ATP13A5: variants seen among roughly 807,000 people sequenced by gnomAD.
The protein encoded by ATP13A5 is probable cation-transporting ATPase 13A5.
A neutral mutation model predicts 150.2 loss-of-function variants in ATP13A5; 149 were observed. The ratio of observed to expected loss-of-function variants is 0.99; its 90% CI spans 0.87 to 1.14. The LOEUF is 1.14. ATP13A5 is among the 50% of genes most tolerant of loss of function. The pLI is 0.00. For missense variants in ATP13A5, 1,383 were observed against 1,449.3 expected (o/e 0.95, Z 0.74); for synonymous variants, 497 against 522.2 (o/e 0.95, Z 0.66).
rs187037542 is a variant in ATP13A5, at chr3:193,309,686, G to T, written c.2525+952C>A. On this transcript the variant is annotated intron_variant, in intron 21 of 29. Coordinates refer to ENST00000342358, the MANE Select transcript of ATP13A5 (RefSeq NM_198505.4). ...TTTTAGAAGTCAACTGTTGCACTGT[G>T]AGCTTCCTTATGCAATGGCCCCTGT... 3.7e-3 allele frequency among the ~76,000 whole-genome samples: 565 copies of T among 152,212 alleles called. 4 individuals are homozygous for T. The highest frequency in any genetic ancestry group is 0.013 in the African/African-American group (541 of 41,528).
In ATP13A5 at chr3:193,285,117, C is replaced by A. The variant is rs757790510; in HGVS notation, c.3024-1G>T. 12 of 1,611,644 alleles carry A rather than the reference C, an allele frequency of 7.4e-6. No individual in the cohort carries two copies. Among genetic ancestry groups the A allele is most frequent in the Admixed American group, 3.3e-5 (2 of 59,724 alleles). On this transcript the variant is annotated splice_acceptor_variant, in intron 26 of 29. Transcript: ENST00000342358. LOFTEE classifies it high-confidence loss of function. ...ACTTTGGTTGGCCAGAAAACACTCA[C>A]TACAAAAGAATCACCAGTGTTTATG...
Position 193,321,830 on chromosome 3 carries a change from A to ACTGGACT in ATP13A5, c.1759_1765dup (p.Val589GlufsTer51). 1 of 1,614,078 alleles carries ACTGGACT rather than the reference A, an allele frequency of 6.2e-7. No homozygotes were observed. The highest frequency in any genetic ancestry group is 8.5e-7 in the Non-Finnish European group (1 of 1,179,976). On this transcript the variant is annotated frameshift_variant, in exon 16 of 30. Transcript: ENST00000342358. LOFTEE classifies it high-confidence loss of function. ...CTGGCACAAGGTGATGATGGCTTCCACTGGACTCTGCAAGCCCATCAACAA... is the reference window on the plus strand; with the variant it reads ...CTGGCACAAGGTGATGATGGCTTCCACTGGACTCTGGACTCTGCAAGCCCATCAACAA...
At chr3:193,332,851 A>G (rs568852424) in intron 11 of ATP13A5, among the ~76,000 whole-genome samples, 150 of 152,098 alleles carry the variant, frequency 9.9e-4, no homozygotes, top group Non-Finnish European at 1.7e-3. Context: ...CCTCATTCTC[A>G]AATACTGCCA....
intron 26 of ATP13A5, among the ~76,000 whole-genome samples, chr3:193,287,440 G>T (rs1463570677): frequency 1.3e-5 from 2 of 152,096 alleles, no homozygotes; most frequent in African/African-American, 4.8e-5. Context: ...ATGCTCATTT[G>T]CTCTTCTGAA....
intron 23 of ATP13A5, 149 bp from the exon 24 acceptor site, chr3:193,301,456 C>T: frequency 1.6e-6 from 1 of 618,356 alleles, no homozygotes; most frequent in Non-Finnish European, 2.8e-6. Context: ...TTTAACCACT[C>T]ATTCATTCAT....
At chr3:193,302,494 G>A (rs1187785167) in intron 23 of ATP13A5, among the ~76,000 whole-genome samples, 1 of 152,048 alleles carries the variant, frequency 6.6e-6, no homozygotes, top group Non-Finnish European at 1.5e-5. Flanking sequence ...CAGATTCAAA[G>A]GAAAGTACAA....
chr3:193,333,193 A>ACG (rs576604552), intron 11 of ATP13A5, among the ~76,000 whole-genome samples: 133 of 151,576 alleles, frequency 8.8e-4, no homozygotes, highest in African/African-American at 3.1e-3. Context: ...ACACACACAC[A>ACG]CGCTCATTGA....
chr3:193,333,148 CACACACACAAACACACACACACAA>C (rs1473245505), intron 11 of ATP13A5, among the ~76,000 whole-genome samples: 1 of 150,768 alleles, frequency 6.6e-6, no homozygotes, highest in Non-Finnish European at 1.5e-5. Flanking sequence ...CTCACACACA[CACACACACAAACACACACACACAA>C]ACACACACAC....
chr3:193,364,127 T>C lies in ATP13A5; in HGVS notation c.217A>G (p.Thr73Ala), dbSNP rs776258578. 3 of 1,614,004 alleles carry C rather than the reference T, an allele frequency of 1.9e-6. No individual in the cohort carries two copies. Among genetic ancestry groups the C allele is most frequent in the Non-Finnish European group, 2.5e-6 (3 of 1,179,926 alleles). ...CGCACTGTTGTCCTCAGCAAAACAG[T>C]GTCTGCTTCTTGCAAGGGGCATGGG... ...CIPCPLQEAD[T>A]VLLRTTDEFQ... Residue 73 changes from threonine (T) to alanine (A), a missense_variant, in exon 2 of 30, where the codon ACT (threonine) becomes GCT (alanine). Transcript: ENST00000342358.
chr3:193,353,423 A>G (rs1712645557), intron 6 of ATP13A5, among the ~76,000 whole-genome samples: 1 of 152,232 alleles, frequency 6.6e-6, no homozygotes, highest in South Asian at 2.1e-4. Flanking sequence ...AAAATAATAA[A>G]GCCATTTGAA....
At chr3:193,363,976 G>T in intron 2 of ATP13A5, 131 bp downstream of exon 2, 1 of 1,021,118 alleles carries the variant, frequency 9.8e-7, no homozygotes, top group Non-Finnish European at 1.4e-6. Context: ...CTCCTGTTTT[G>T]ATCTATGGAA....
chr3:193,359,476 C>T (rs1032710583), intron 5 of ATP13A5, among the ~76,000 whole-genome samples: 3 of 152,176 alleles, frequency 2.0e-5, no homozygotes, highest in African/African-American at 7.2e-5. Context: ...CAGCTTGGAG[C>T]TATGCATTAA....
At chr3:193,345,798 C>T (rs1254299111) in intron 7 of ATP13A5, among the ~76,000 whole-genome samples, 2 of 152,114 alleles carry the variant, frequency 1.3e-5, no homozygotes. Flanking sequence ...ACCAAAGCTA[C>T]ATTTCTTGAA....
intron 3 of ATP13A5, among the ~76,000 whole-genome samples, 185 bp downstream of exon 3, chr3:193,363,051 A>G (rs1286969652): frequency 6.6e-6 from 1 of 151,996 alleles, no homozygotes; most frequent in Non-Finnish European, 1.5e-5. Context: ...ATCCGCCCAC[A>G]TTGGCCTCCC....
chr3:193,349,679 C>G (rs1712486888), intron 7 of ATP13A5, among the ~76,000 whole-genome samples: 1 of 151,966 alleles, frequency 6.6e-6, no homozygotes, highest in Non-Finnish European at 1.5e-5. Context: ...GAAAATGTAC[C>G]TTAAAACATC....
chr3:193,334,356 T>C (rs575528768), intron 10 of ATP13A5, among the ~76,000 whole-genome samples: 1 of 152,256 alleles, frequency 6.6e-6, no homozygotes, highest in African/African-American at 2.4e-5. Flanking sequence ...CAGGAAGTGT[T>C]TGCGGAATCA....
chr3:193,310,067 T>G (rs1718783567), intron 21 of ATP13A5, among the ~76,000 whole-genome samples: 1 of 152,200 alleles, frequency 6.6e-6, no homozygotes, highest in Non-Finnish European at 1.5e-5. Flanking sequence ...TTTTCTTCTT[T>G]GTGTCCATGT....
At chr3:193,345,315 C>T (rs1179905891) in intron 7 of ATP13A5, among the ~76,000 whole-genome samples, 1 of 152,094 alleles carries the variant, frequency 6.6e-6, no homozygotes, top group Admixed American at 6.6e-5. Context: ...AAATAATGCA[C>T]AGTCACTGCC....
intron 11 of ATP13A5, among the ~76,000 whole-genome samples, chr3:193,332,025 G>A (rs914232890): frequency 5.3e-5 from 8 of 152,158 alleles, no homozygotes; most frequent in African/African-American, 1.9e-4. Flanking sequence ...ATCCCTGGCA[G>A]GTGATACGGT....
Sources: gnomAD v4.1 joint callset for allele counts (sites outside exome capture counted in the v4.1 genomes callset) on GRCh38, gnomAD v4.1.1 for gene constraint, MANE v1.5 for transcripts, NCBI Gene and HGNC (gene_info 2026-07-23, HGNC 2026-07-21) for gene names.